KLRF1: variants seen among roughly 807,000 people sequenced by gnomAD.
KLRF1 encodes killer cell lectin like receptor F1, also known as killer cell lectin-like receptor subfamily F member 1.
A neutral mutation model predicts 30.7 loss-of-function variants in KLRF1; 27 were observed. The observed-to-expected ratio is 0.88, with a 90% CI of 0.65 to 1.21. The LOEUF (loss-of-function observed/expected upper bound fraction) is 1.21. Ranked by LOEUF, KLRF1 falls within the 50% of genes most tolerant of loss-of-function variation. The pLI is 0.00. For synonymous variants in KLRF1, 92 were observed against 89.3 expected, an observed-to-expected ratio of 1.03 and a Z score of -0.17; for missense variants, 246 against 259.3, an observed-to-expected ratio of 0.95 and a Z score of 0.35.
Position 9,844,493 on chromosome 12 carries a change from C to T in KLRF1, c.663C>T (p.Cys221=). Reference sequence around the variant, plus strand: ...AAAGCAAAATTTTCTCTGAAACCTGCAGCAGTGTTTTCAAATGGATTTGTC... The same window carrying T: ...AAAGCAAAATTTTCTCTGAAACCTGTAGCAGTGTTTTCAAATGGATTTGTC... ...IKESKIFSET[C]SSVFKWICQY The change falls in exon 6 of 6, where the codon TGC becomes TGT. Residue 221 remains cysteine, a synonymous_variant. Transcript: ENST00000617889. 6.2e-7 allele frequency: 1 copy of T among 1,607,068 alleles called. No homozygotes were observed. The highest frequency in any genetic ancestry group is 1.1e-5 in the South Asian group (1 of 90,830).
Position 9,840,469 on chromosome 12 carries a change from T to C in KLRF1, c.335-1343T>C, listed in dbSNP as rs147833442. On this transcript the variant is annotated intron_variant, in intron 3 of 5. Coordinates refer to ENST00000617889, the MANE Select transcript of KLRF1 (RefSeq NM_016523.3). ...TTATATATATCTCACTTTTTCTCAA[T>C]ACTATGCCAAAAATCTCGATATTTT... 2.9e-3 allele frequency among the ~76,000 whole-genome samples: 448 copies of C among 152,204 alleles called. 5 individuals carry two copies. Among genetic ancestry groups the C allele is most frequent in the African/African-American group, 0.01 (431 of 41,544 alleles).
upstream of KLRF1, among the ~76,000 whole-genome samples, chr12:9,823,925 G>T (rs901358977): frequency 1.3e-5 from 2 of 152,000 alleles, no homozygotes; most frequent in African/African-American, 2.4e-5. Flanking sequence ...TCCCAACACC[G>T]AACCAGGGGG....
chr12:9,823,098 T>C (rs1275987752), upstream of KLRF1, among the ~76,000 whole-genome samples: 2 of 151,992 alleles, frequency 1.3e-5, no homozygotes, highest in Non-Finnish European at 2.9e-5. Flanking sequence ...TTGGACCAAA[T>C]GGATTTGATA....
At chr12:9,824,761 G>A (rs1346429821), upstream of KLRF1, among the ~76,000 whole-genome samples, 1 of 152,110 alleles carries the variant, frequency 6.6e-6, no homozygotes. Flanking sequence ...AACAACATCA[G>A]CAAAGTTTCA....
chr12:9,826,682 A>G (rs1043187033), upstream of KLRF1, among the ~76,000 whole-genome samples: 11 of 151,862 alleles, frequency 7.2e-5, no homozygotes, highest in African/African-American at 2.7e-4. Context: ...AAGGAATACT[A>G]TGCAGCTATA....
intron 5 of KLRF1, among the ~76,000 whole-genome samples, chr12:9,842,906 TTTAA>T: frequency 6.6e-6 from 1 of 152,232 alleles, no homozygotes; most frequent in East Asian, 1.9e-4. Flanking sequence ...TAATAAAATA[TTTAA>T]TTAAAAATAT....
At chr12:9,832,509 A>C in intron 2 of KLRF1, 95 bp downstream of exon 2, 1 of 706,864 alleles carries the variant, frequency 1.4e-6, no homozygotes, top group Non-Finnish European at 2.4e-6. Context: ...TCTTCACTAC[A>C]TTAACCAAGA....
chr12:9,810,378 G>A, the KLRF1 span, among the ~76,000 whole-genome samples: 1 of 152,116 alleles, frequency 6.6e-6, no homozygotes, highest in African/African-American at 2.4e-5. Flanking sequence ...TCTTTTGTGT[G>A]TCCTTTGATA....
At chr12:9,838,497 A>G (rs1215388320) in intron 3 of KLRF1, among the ~76,000 whole-genome samples, 1 of 152,082 alleles carries the variant, frequency 6.6e-6, no homozygotes, top group South Asian at 2.1e-4. Flanking sequence ...GGACCTTCTC[A>G]GTCAGCACGT....
At position 9,844,473 on chromosome 12, in the gene KLRF1, A is replaced by G; in HGVS notation, c.643A>G (p.Lys215Glu). 6.2e-7 allele frequency: 1 copy of G among 1,611,476 alleles called. No individual in the cohort carries two copies. ...ENSCAAIKESKIFSETCSSVF... is the reference protein window; with the variant it reads ...ENSCAAIKESEIFSETCSSVF... Reference sequence around the variant, plus strand: ...CAGCTGTGCTGCCATTAAGGAAAGCAAAATTTTCTCTGAAACCTGCAGCAG... The same window carrying G: ...CAGCTGTGCTGCCATTAAGGAAAGCGAAATTTTCTCTGAAACCTGCAGCAG... Residue 215 changes from lysine to glutamate, a missense_variant, in exon 6 of 6, where the codon AAA (lysine) becomes GAA (glutamate). Lys to Glu is a moderately conservative substitution (Grantham distance 56). Transcript: ENST00000617889.
chr12:9,815,031 T>C, the KLRF1 span, among the ~76,000 whole-genome samples: 1 of 152,202 alleles, frequency 6.6e-6, no homozygotes, highest in Non-Finnish European at 1.5e-5. Context: ...CTTGAGGTGA[T>C]GGATATCCTA....
chr12:9,806,100 A>G, the KLRF1 span, among the ~76,000 whole-genome samples: 4 of 151,378 alleles, frequency 2.6e-5, no homozygotes, highest in Non-Finnish European at 5.9e-5. Context: ...CTTTAATATT[A>G]TTATTCCTTA....
At chr12:9,827,469 T>A, upstream of KLRF1, 1 of 743,180 alleles carries the variant, frequency 1.3e-6, no homozygotes, top group Non-Finnish European at 2.2e-6. Context: ...GCAGATTTAT[T>A]ATTCTTTCCT....
At chr12:9,830,152 T>A (rs1867378168) in intron 1 of KLRF1, among the ~76,000 whole-genome samples, 1 of 152,196 alleles carries the variant, frequency 6.6e-6, no homozygotes, top group Non-Finnish European at 1.5e-5. Context: ...CTGTCTAGTT[T>A]TCTTTTTGTT....
upstream of KLRF1, among the ~76,000 whole-genome samples, chr12:9,825,762 AC>A (rs1365918473): frequency 8.5e-5 from 13 of 152,196 alleles, no homozygotes; most frequent in African/African-American, 3.1e-4. Context: ...ATTTTTGCAG[AC>A]TATGCATTTG....
At chr12:9,838,934 G>A (rs1019413267) in intron 3 of KLRF1, among the ~76,000 whole-genome samples, 1 of 152,178 alleles carries the variant, frequency 6.6e-6, no homozygotes, top group African/African-American at 2.4e-5. Flanking sequence ...TTGCTGCTAT[G>A]AACTGAATTG....
chr12:9,813,933 C>A, the KLRF1 span, among the ~76,000 whole-genome samples: 2 of 152,144 alleles, frequency 1.3e-5, no homozygotes, highest in Non-Finnish European at 1.5e-5. Flanking sequence ...CGAGGTCCCA[C>A]ACACCTCCTG....
intron 5 of KLRF1, among the ~76,000 whole-genome samples, chr12:9,843,856 A>G (rs1257210024): frequency 6.6e-6 from 1 of 152,154 alleles, no homozygotes; most frequent in Admixed American, 6.6e-5. Context: ...CCACAGGTCA[A>G]ACAAATTTAT....
At chr12:9,801,168 G>A in the KLRF1 span, among the ~76,000 whole-genome samples, 2 of 151,990 alleles carry the variant, frequency 1.3e-5, no homozygotes, top group African/African-American at 4.8e-5. Context: ...CCCTGAAAAG[G>A]ACATGATCTC....
Sources: allele counts gnomAD v4.1 joint callset (sites outside exome capture counted in the v4.1 genomes callset), GRCh38; gene constraint gnomAD v4.1.1; transcripts MANE v1.5; gene names NCBI Gene and HGNC (gene_info 2026-07-23, HGNC 2026-07-21).